The following GBA2 variants were observed in gnomAD, a reference collection of about 807,000 sequenced individuals.
GBA2 encodes the protein glucosylceramidase beta 2.
A neutral mutation model predicts 112.9 loss-of-function variants in GBA2; 79 were observed. The observed-to-expected ratio is 0.70, with a 90% CI of 0.58 to 0.84. The LOEUF (loss-of-function observed/expected upper bound fraction) is 0.84, where lower values mean the gene tolerates loss of function less well. GBA2 is among the 40% of genes least tolerant of loss of function. The pLI is 0.00. For missense variants in GBA2, 1,043 were observed against 1,190.0 expected (o/e 0.88, Z 1.82); for synonymous variants, 403 against 434.3 (o/e 0.93, Z 0.90).
At chr9:35,747,156 C>G (rs979713157) in intron 1 of GBA2, among the ~76,000 whole-genome samples, 9 of 152,146 alleles carry the variant, frequency 5.9e-5, no homozygotes, top group African/African-American at 1.9e-4. Flanking sequence ...CCCACTCTAT[C>G]CTGGAATGGG....
Position 35,741,230 on chromosome 9 carries a change from G to C in GBA2, c.787-166C>G. ...ATATTCCCAGGCAAGCTGCCTAGCA[G>C]GGAATATAGAAGACCAGAACCAGTT... is the stretch of plus-strand genomic sequence containing the variant. On this transcript the variant is annotated intron_variant, in intron 4 of 16. Coordinates refer to ENST00000378103, the MANE Select transcript of GBA2 (RefSeq NM_020944.3). The surrounding 1 kb of genome is among the most constrained non-coding windows in gnomAD (Gnocchi z 4.6). The C allele has an allele frequency of 1.4e-6, 1 of 734,104 alleles. No homozygotes were observed. The highest frequency in any genetic ancestry group is 2.2e-6 in the Non-Finnish European group (1 of 456,284). 45.5% of individuals were successfully genotyped at this position (734,104 alleles called of 1,614,324 possible). A position where few individuals can be genotyped will look rare whatever the true frequency, so the allele number is the denominator to read the frequency against.
intron 3 of GBA2, 136 bp from the exon 4 acceptor site, chr9:35,742,026 C>T (rs560416192): frequency 2.1e-5 from 14 of 667,596 alleles, no homozygotes; most frequent in African/African-American, 1.9e-4. Context: ...AGTCATCCCC[C>T]AGGCTCAGTG....
chr9:35,742,752 C>T (rs1247048976), intron 3 of GBA2, among the ~76,000 whole-genome samples: 1 of 152,202 alleles, frequency 6.6e-6, no homozygotes, highest in African/African-American at 2.4e-5. Context: ...TCACAGTCTC[C>T]ATTTCCCCTA....
chr9:35,740,649 G>T lies in GBA2; in HGVS notation c.1027-21C>A. 2 of 1,583,548 alleles carry T rather than the reference G, an allele frequency of 1.3e-6. No homozygotes were observed. Among genetic ancestry groups the T allele is most frequent in the Non-Finnish European group, 1.7e-6 (2 of 1,152,398 alleles). The stretch of plus-strand genomic sequence containing the variant: ...GCTGCCTGTGAAGGGGTCAGGGACT[G>T]TGAGGGCAGGCTCCACGAGTACACT... On this transcript the variant is annotated intron_variant, in intron 5 of 16. Transcript: ENST00000378103. The surrounding 1 kb of genome is among the most constrained non-coding windows in gnomAD (Gnocchi z 4.7).
Position 35,741,915 on chromosome 9 carries a change from C to T in GBA2, c.568-25G>A, listed in dbSNP as rs756764489. 28 of 1,532,272 alleles carry T rather than the reference C, an allele frequency of 1.8e-5. No individual in the cohort carries two copies. The highest frequency in any genetic ancestry group is 3.4e-5 in the Admixed American group (2 of 59,608). The allele number at this position is 1,532,272 out of a possible 1,614,324, so 94.9% of individuals were successfully genotyped here. On this transcript the variant is annotated intron_variant, in intron 3 of 16. Coordinates refer to ENST00000378103, the MANE Select transcript of GBA2 (RefSeq NM_020944.3). This position sits in a 1 kb window ranked among gnomAD's most constrained non-coding sequence, Gnocchi z 4.6. The stretch of plus-strand genomic sequence containing the variant: ...ACTTAAGAGGGCAGATAGGCTGGAA[C>T]GGGGTAAACCACAGGGACCACAGAC...
chr9:35,743,276 C>T (rs552603057), intron 3 of GBA2: 2 of 153,798 alleles, frequency 1.3e-5, no homozygotes, highest in African/African-American at 4.8e-5. Context: ...ATTTACCAAC[C>T]TTGTGACCTT....
rs1364257870 is a variant in GBA2 at position 35,740,792 on chromosome 9, G to C, written c.1026+33C>G. On this transcript the variant is annotated intron_variant, in intron 5 of 16. Transcript: ENST00000378103. The surrounding 1 kb of genome is among the most constrained non-coding windows in gnomAD (Gnocchi z 4.7). The stretch of plus-strand genomic sequence containing the variant: ...CATGCTGGGGTGGAGGTGGGGTTCA[G>C]GGGCTAAGGTATAGGGCAGGCTCTT... 1 of 1,610,824 alleles carries C rather than the reference G, an allele frequency of 6.2e-7. No individual in the cohort carries two copies. The highest frequency in any genetic ancestry group is 1.3e-5 in the African/African-American group (1 of 74,948).
chr9:35,738,434 T>C, intron 13 of GBA2, 60 bp from the exon 14 acceptor site: 1 of 1,596,532 alleles, frequency 6.3e-7, no homozygotes, highest in Non-Finnish European at 8.6e-7. Flanking sequence ...CCATGCCGTG[T>C]AATAGACAAT....
Position 35,748,402 on chromosome 9 carries a change from A to C in GBA2, c.303T>G (p.Phe101Leu). The part of the protein sequence containing the change: ...AHEFTEKRKP[F>L]QANNVSLSNM... ...TGCTTAGGGAGACGTTGTTAGCTTG[A>C]AAGGGTTTCCTCTTCTCTGTAAACT... Residue 101 changes from phenylalanine to leucine, a missense_variant, in exon 1 of 17, where the codon TTT becomes TTG. By Grantham distance (22) the Phe-to-Leu change is conservative (BLOSUM62 0). Coordinates refer to ENST00000378103, the MANE Select transcript of GBA2 (RefSeq NM_020944.3). The C allele has an allele frequency of 6.2e-7, 1 of 1,614,184 alleles. No homozygotes were observed. The highest frequency in any genetic ancestry group is 1.3e-5 in the African/African-American group (1 of 75,062).
At position 35,737,712 on chromosome 9, in the gene GBA2, A is replaced by G; in HGVS notation, c.2505+36T>C. On this transcript the variant is annotated intron_variant, in intron 16 of 16. Coordinates refer to ENST00000378103, the MANE Select transcript of GBA2 (RefSeq NM_020944.3). This position sits in a 1 kb window ranked among gnomAD's most constrained non-coding sequence, Gnocchi z 4.1. ...TTGAGGAAGTTTTCTGGGCCAGGAT[A>G]CAGATGGTGGAGAGATGGGAAAAGG... The G allele has an allele frequency of 2.5e-6, 4 of 1,611,306 alleles. No individual in the cohort carries two copies. The Middle Eastern group carries it at 5.0e-4, about 200-fold the overall frequency.
In GBA2 at chr9:35,744,284, T is replaced by A. The variant is rs993962874; in HGVS notation, c.567+13A>T. ...GAGGTATTGTCCTGGCCTCTCCACC[T>A]CCTGGCTCTTACTTGGTCAGCGATG... On this transcript the variant is annotated intron_variant, in intron 3 of 16. Transcript: ENST00000378103. 6.6e-7 allele frequency: 1 copy of A among 1,505,636 alleles called. No homozygotes were observed. The highest frequency in any genetic ancestry group is 9.2e-7 in the Non-Finnish European group (1 of 1,081,244). 93.3% of individuals were successfully genotyped at this position (1,505,636 alleles called of 1,614,324 possible). A position where few individuals can be genotyped will look rare whatever the true frequency, so the allele number is the denominator to read the frequency against.
At position 35,738,599 on chromosome 9, in the gene GBA2, C is replaced by T; in HGVS notation, c.1981G>A (p.Asp661Asn). 6.2e-7 allele frequency: 1 copy of T among 1,613,902 alleles called. No homozygotes were observed. The highest frequency in any genetic ancestry group is 8.5e-7 in the Non-Finnish European group (1 of 1,179,770). Residue 661 changes from aspartate to asparagine, a missense_variant, in exon 13 of 17, where the codon GAC becomes AAC. Asp to Asn is a conservative substitution (Grantham distance 23). Coordinates refer to ENST00000378103, the MANE Select transcript of GBA2 (RefSeq NM_020944.3). ...CCATTTTCAATGAGTCCATCATGGT[C>T]CTTGTCAAACTTCATTTCAGATTCC... ...VMESEMKFDK[D>N]HDGLIENGGY...
intron 1 of GBA2, among the ~76,000 whole-genome samples, chr9:35,747,141 T>C (rs1468001820): frequency 1.3e-5 from 2 of 152,150 alleles, no homozygotes; most frequent in Admixed American, 6.5e-5. Context: ...CTTGTATCAG[T>C]ACCCCCCACT....
Position 35,738,135 on chromosome 9 carries a change from C to T in GBA2, c.2215G>A (p.Asp739Asn). The change falls in exon 15 of 17, where the codon GAC becomes AAC. Residue 739 changes from aspartate to asparagine, a missense_variant. Asp to Asn is a conservative substitution (Grantham distance 23). Transcript: ENST00000378103. ...CGAGACTGAGGCCGAGAGCTGCTGT[C>T]ATAGTTGTAATAGCGGCCTGGAGTC... ...LLWNGRYYNY[D>N]SSSRPQSRSV... is the part of the protein sequence containing the mutation. 6.2e-7 allele frequency: 1 copy of T among 1,614,044 alleles called. No individual in the cohort carries two copies.
In GBA2 at chr9:35,744,658, A is replaced by T. The variant is rs759081116; in HGVS notation, c.408T>A (p.Pro136=). The change falls in exon 2 of 17, where the codon CCT becomes CCA. Residue 136 remains proline, a synonymous_variant. Transcript: ENST00000378103. Reference sequence around the variant, plus strand: ...GTACAGAATTGATCATGTCGATGAAAGGTGTCTTCTTTTCCACATGGGTCT... The same window carrying T: ...GTACAGAATTGATCATGTCGATGAATGGTGTCTTCTTTTCCACATGGGTCT... The part of the protein sequence containing the change: ...YRKTHVEKKT[P]FIDMINSVPL... 1.1e-5 allele frequency: 17 copies of T among 1,611,006 alleles called. No homozygotes were observed. In the East Asian group the frequency reaches 3.6e-4, roughly 34 times the overall value.
chr9:35,737,502 C>T lies in GBA2; in HGVS notation c.2506-55G>A. 1.3e-6 allele frequency: 2 copies of T among 1,588,642 alleles called. No individual in the cohort carries two copies. The highest frequency in any genetic ancestry group is 2.3e-5 in the South Asian group (2 of 88,252). ...TAACTTGGCACCCTCTGAAGAGCCA[C>T]TTCCACTGGATAGATGGAGGCAGTA... On this transcript the variant is annotated intron_variant, in intron 16 of 16. Transcript: ENST00000378103. The surrounding 1 kb of genome is among the most constrained non-coding windows in gnomAD (Gnocchi z 4.1).
Position 35,748,778 on chromosome 9 carries a change from G to A in GBA2, c.-74C>T. On this transcript the variant is annotated 5_prime_UTR_variant, in exon 1 of 17. Transcript: ENST00000378103. ...CAGCCTATTCCAGATGCGGGCGCCG[G>A]TCGTTGTTAGGTATCGTCCCGGAGG... 1.1e-6 allele frequency: 1 copy of A among 928,660 alleles called. No homozygotes were observed. The highest frequency in any genetic ancestry group is 1.7e-5 in the South Asian group (1 of 57,256). 57.5% of individuals were successfully genotyped at this position (928,660 alleles called of 1,614,324 possible).
chr9:35,748,295 A>T lies in GBA2; in HGVS notation c.359+51T>A, dbSNP rs1479500093. ...TTTCCCACCTCTGCTAGAAGTTTTG[A>T]GCTGGAACAAAGTGAAGCCAAAGGC... On this transcript the variant is annotated intron_variant, in intron 1 of 16. Transcript: ENST00000378103. 2.6e-6 allele frequency: 3 copies of T among 1,149,738 alleles called. No homozygotes were observed. The African/African-American group carries it at 4.6e-5, about 18-fold the overall frequency. 71.2% of individuals were successfully genotyped at this position (1,149,738 alleles called of 1,614,324 possible). A position where few individuals can be genotyped will look rare whatever the true frequency, so the allele number is the denominator to read the frequency against.
chr9:35,748,686 C>G lies in GBA2; in HGVS notation c.19G>C (p.Gly7Arg). 6.4e-7 allele frequency: 1 copy of G among 1,569,966 alleles called. No individual in the cohort carries two copies. The highest frequency in any genetic ancestry group is 8.7e-7 in the Non-Finnish European group (1 of 1,154,392). Residue 7 changes from glycine to arginine, a missense_variant, in exon 1 of 17, where the codon GGG (glycine) becomes CGG (arginine). Gly to Arg is a moderately radical substitution (Grantham distance 125, BLOSUM62 -2). Transcript: ENST00000378103. Reference protein sequence around the residue: MGTQDPGNMGTGVPASE... With the variant: MGTQDPRNMGTGVPASE... ...GCTGGGACGCCGGTTCCCATGTTCC[C>G]TGGATCCTGGGTCCCCATGACCTCG... is the stretch of plus-strand genomic sequence containing the variant.
Sources: allele counts gnomAD v4.1 joint callset (sites outside exome capture counted in the v4.1 genomes callset), GRCh38; gene constraint gnomAD v4.1.1; non-coding constraint Gnocchi (gnomAD v3.1); transcripts MANE v1.5; gene names NCBI Gene and HGNC (gene_info 2026-07-23, HGNC 2026-07-21).